PSG6: variants seen among roughly 807,000 people sequenced by gnomAD.
PSG6 encodes the protein pregnancy specific beta-1-glycoprotein 6.
Under a neutral mutation model 43.3 loss-of-function variants are expected in PSG6, and 51 were observed. The ratio of observed to expected loss-of-function variants is 1.18; its 90% CI spans 0.94 to 1.49. PSG6 has a LOEUF of 1.49. PSG6 is among the 40% of genes most tolerant of loss of function. The pLI is 0.00. For missense variants in PSG6, 770 were observed against 522.2 expected (o/e 1.47, Z -4.62); for synonymous variants, 292 against 197.6 (o/e 1.48, Z -4.01).
Position 42,908,011 on chromosome 19 carries a change from G to A in PSG6, c.707-157C>T, listed in dbSNP as rs191718736. The A allele has an allele frequency of 2.4e-6, 3 of 1,232,680 alleles. No individual in the cohort carries two copies. The African/African-American group carries it at 4.5e-5, about 18-fold the overall frequency. The allele number at this position is 1,232,680 out of a possible 1,614,324, so 76.4% of individuals were successfully genotyped here. A position where few individuals can be genotyped will look rare whatever the true frequency, so the allele number is the denominator to read the frequency against. ...ACAAGACAGATGTATGATGATCTAA[G>A]GGCTCAAAGACTGTGAGGCCTCCTG... On this transcript the variant is annotated intron_variant, in intron 3 of 5. Transcript: ENST00000187910.
intron 1 of PSG6, 47 bp from the exon 2 acceptor site, chr19:42,916,534 G>C: frequency 1.3e-6 from 2 of 1,572,878 alleles, no homozygotes; most frequent in Non-Finnish European, 1.7e-6. Flanking sequence ...CTATGTATTG[G>C]GGTGAAAAGA....
At position 42,910,748 on chromosome 19, in the gene PSG6, A is replaced by T. The variant is rs368594448; in HGVS notation, c.538T>A (p.Leu180Met). 1.2e-6 allele frequency: 2 copies of T among 1,612,346 alleles called. No homozygotes were observed. The highest frequency in any genetic ancestry group is 4.5e-5 in the East Asian group (2 of 44,790). ...PETPDASYLW[L>M]LNGQNLPMTH... The stretch of plus-strand genomic sequence containing the variant: ...ATAGGGAGGTTCTGACCATTCAGCA[A>T]CCACAGGTAGCTTGCATCCGGAGTC... Residue 180 changes from leucine to methionine, a missense_variant, in exon 3 of 6, where the codon TTG becomes ATG. Transcript: ENST00000187910.
intron 2 of PSG6, among the ~76,000 whole-genome samples, chr19:42,912,901 A>T (rs765288448): frequency 6.6e-6 from 1 of 151,670 alleles, no homozygotes; most frequent in Admixed American, 6.6e-5. Flanking sequence ...TGGTCCCCAA[A>T]CCACAAGTAT....
intron 2 of PSG6, among the ~76,000 whole-genome samples, chr19:42,914,963 C>T (rs544772256): frequency 1.3e-5 from 2 of 151,550 alleles, no homozygotes; most frequent in Non-Finnish European, 2.9e-5. Context: ...CGGTTGAAGC[C>T]AGTGATTTAG....
rs567611142 is a variant in PSG6 at position 42,907,788 on chromosome 19, G to T, written c.773C>A (p.Ala258Asp). Residue 258 changes from alanine to aspartate, a missense_variant, in exon 4 of 6, where the codon GCC becomes GAC. Coordinates refer to ENST00000187910, the MANE Select transcript of PSG6 (RefSeq NM_001031850.4). ...CCGACTCTTAGGTTCACAGGTGAAG[G>T]CTAACACATCCTTCTTCTCCCTGGG... ...LNPREKKDVL[A>D]FTCEPKSRNY... is the part of the protein sequence containing the mutation. 112 of 1,611,218 alleles carry T rather than the reference G, an allele frequency of 7.0e-5. 4 individuals carry two copies. In the East Asian group the frequency reaches 1.6e-3, roughly 23 times the overall value.
rs547587289 is a variant in PSG6 at position 42,916,089 on chromosome 19, C to T, written c.427+36G>A. 4.3e-5 allele frequency: 69 copies of T among 1,605,232 alleles called. 1 individual carries two copies. Among genetic ancestry groups the T allele is most frequent in the East Asian group, 1.6e-4 (7 of 44,738 alleles). On this transcript the variant is annotated intron_variant, in intron 2 of 5. Transcript: ENST00000187910. ...GTGTGTGAAGTAGAAATGACCCCTGCCCCCCAACACCCAGGGATCATGCGG... is the reference window on the plus strand; with the variant it reads ...GTGTGTGAAGTAGAAATGACCCCTGTCCCCCAACACCCAGGGATCATGCGG...
chr19:42,903,829 G>C (rs1364061874), intron 5 of PSG6: 8 of 1,363,252 alleles, frequency 5.9e-6, no homozygotes, highest in Admixed American at 6.2e-5. Flanking sequence ...GGAGGTTGAG[G>C]CTGCAGTGAG....
chr19:42,907,677 A>G lies in PSG6; in HGVS notation c.884T>C (p.Ile295Thr). ...VKRPIENRIL[I>T]LPSVTRNETG... ...TTCATTTCTCGTGACACTGGGTAGAATGAGTATCCTGTTTTCAATGGGTCG... is the reference window on the plus strand; with the variant it reads ...TTCATTTCTCGTGACACTGGGTAGAGTGAGTATCCTGTTTTCAATGGGTCG... The change falls in exon 4 of 6, where the codon ATT (isoleucine) becomes ACT (threonine). Residue 295 changes from isoleucine (I) to threonine (T), a missense_variant. Transcript: ENST00000187910. 16 of 1,611,022 alleles carry G rather than the reference A, an allele frequency of 9.9e-6. No individual in the cohort carries two copies. Among genetic ancestry groups the G allele is most frequent in the Non-Finnish European group, 1.4e-5 (16 of 1,179,104 alleles).
rs539242505 is a variant in PSG6 at position 42,916,732 on chromosome 19, AT to A, written c.65-246del. Among the ~76,000 whole-genome samples, 21 of 150,844 alleles carry A rather than the reference AT, an allele frequency of 1.4e-4. 2 individuals carry two copies. The South Asian group carries it at 4.5e-3, about 33-fold the overall frequency. ...TTCCTTCAACACTCCTGACCTTGGC[AT>A]TTTTCTGTTTGCAATCCTCTTCCCC... On this transcript the variant is annotated intron_variant, in intron 1 of 5. Coordinates refer to ENST00000187910, the MANE Select transcript of PSG6 (RefSeq NM_001031850.4).
chr19:42,902,546 A>G lies in PSG6; in HGVS notation c.1241-100T>C, dbSNP rs1156271239. On this transcript the variant is annotated intron_variant, in intron 5 of 5. Coordinates refer to ENST00000187910, the MANE Select transcript of PSG6 (RefSeq NM_001031850.4). ...GGCTCCCAGCAAGGGTGTGAAAGCA[A>G]GTCTAGTTCTCCGAGGCTCTCTTTA... The G allele has an allele frequency of 2.5e-5, 38 of 1,512,820 alleles. No individual in the cohort carries two copies. The East Asian group carries it at 8.5e-4, about 34-fold the overall frequency. The allele number at this position is 1,512,820 out of a possible 1,614,324, so 93.7% of individuals were successfully genotyped here.
In PSG6 at chr19:42,911,575, A is replaced by T. The variant is rs540354349; in HGVS notation, c.428-717T>A. On this transcript the variant is annotated intron_variant, in intron 2 of 5. Transcript: ENST00000187910. ...CTGATAGGTTTGGCCCAAGACCATG[A>T]TCCCTGTTCTGGGTCCATGATGCTC... Among the ~76,000 whole-genome samples the T allele has an allele frequency of 8.5e-4, 129 of 151,792 alleles. 4 individuals are homozygous for T. Among genetic ancestry groups the T allele is most frequent in the Non-Finnish European group, 1.4e-3 (96 of 67,892 alleles).
intron 5 of PSG6, among the ~76,000 whole-genome samples, chr19:42,905,711 T>C (rs1972100581): frequency 1.3e-5 from 2 of 151,666 alleles, no homozygotes; most frequent in South Asian, 4.2e-4. Context: ...ATGAGATGTA[T>C]CTATACATTG....
chr19:42,915,137 C>T lies in PSG6; in HGVS notation c.427+988G>A, dbSNP rs1490525587. On this transcript the variant is annotated intron_variant, in intron 2 of 5. Coordinates refer to ENST00000187910, the MANE Select transcript of PSG6 (RefSeq NM_001031850.4). ...GGATGGGCCTGTGGCTGCAGACAGA[C>T]CTCATGTGACCCCGATCTCCCCTTT... 6.5e-4 allele frequency among the ~76,000 whole-genome samples: 99 copies of T among 151,604 alleles called. 3 individuals carry two copies. The highest frequency in any genetic ancestry group is 1.8e-4 in the Non-Finnish European group (12 of 67,870).
chr19:42,911,894 A>C (rs1212545702), intron 2 of PSG6, among the ~76,000 whole-genome samples: 2 of 151,482 alleles, frequency 1.3e-5, no homozygotes, highest in East Asian at 3.9e-4. Flanking sequence ...AGTTTGCAGC[A>C]ACTGAAATCA....
Position 42,916,202 on chromosome 19 carries a change from C to T in PSG6, c.350G>A (p.Gly117Glu), listed in dbSNP as rs766513091. The T allele has an allele frequency of 1.2e-6, 2 of 1,612,226 alleles. No homozygotes were observed. Among genetic ancestry groups the T allele is most frequent in the Non-Finnish European group, 1.7e-6 (2 of 1,179,086 alleles). Residue 117 changes from glycine (G) to glutamate (E), a missense_variant, in exon 2 of 6, where the codon GGA (glycine) becomes GAA (glutamate). Transcript: ENST00000187910. The stretch of plus-strand genomic sequence containing the variant: ...CTTTATGATGTGTAAGGTGTAGGAT[C>T]CTGCATCCTCCTGTGTGACATTCTG... ...LIQNVTQEDA[G>E]SYTLHIIKRG...
chr19:42,917,839 T>C lies in PSG6; in HGVS notation c.-47A>G, dbSNP rs370854705. On this transcript the variant is annotated 5_prime_UTR_variant, in exon 1 of 6. Transcript: ENST00000187910. ...CTCCCCTGTGGAGATGAGCCTAGGA[T>C]CCAGAGACTTCCTGAGCAGGGCTGT... 5.7e-6 allele frequency: 9 copies of C among 1,588,472 alleles called. No homozygotes were observed. The highest frequency in any genetic ancestry group is 1.4e-5 in the African/African-American group (1 of 74,046).
At chr19:42,910,509 G>C (rs1488112347) in intron 3 of PSG6, 71 bp downstream of exon 3, 1 of 1,612,422 alleles carries the variant, frequency 6.2e-7, no homozygotes, top group Admixed American at 1.7e-5. Context: ...GAGAGGGACT[G>C]AGAGGCCTGG....
Position 42,910,748 on chromosome 19 carries a change from A to G in PSG6, c.538T>C (p.Leu180=), listed in dbSNP as rs368594448. ...ATAGGGAGGTTCTGACCATTCAGCA[A>G]CCACAGGTAGCTTGCATCCGGAGTC... The part of the protein sequence containing the change: ...PETPDASYLW[L]LNGQNLPMTH... The change falls in exon 3 of 6, where the codon TTG becomes CTG. Residue 180 remains leucine (L), a synonymous_variant. Coordinates refer to ENST00000187910, the MANE Select transcript of PSG6 (RefSeq NM_001031850.4). 95 of 1,612,228 alleles carry G rather than the reference A, an allele frequency of 5.9e-5. 1 individual carries two copies. In the Middle Eastern group the frequency reaches 2.6e-3, roughly 45 times the overall value.
intron 5 of PSG6, 24 bp downstream of exon 5, chr19:42,906,898 C>G (rs1218015969): frequency 6.2e-7 from 1 of 1,612,084 alleles, no homozygotes; most frequent in Admixed American, 1.7e-5. Flanking sequence ...AACCCTATTG[C>G]CAAGGATGCT....
Sources: gnomAD v4.1 joint callset for allele counts (sites outside exome capture counted in the v4.1 genomes callset) on GRCh38, gnomAD v4.1.1 for gene constraint, MANE v1.5 for transcripts, NCBI Gene and HGNC (gene_info 2026-07-23, HGNC 2026-07-21) for gene names.